Variants in RPSA observed in about 807,000 individuals in gnomAD.
RPSA encodes ribosomal protein SA.
For synonymous variants in RPSA, 103 were observed against 126.7 expected, an observed-to-expected ratio of 0.81 and a Z score of 1.25; for missense variants, 140 against 372.8, an observed-to-expected ratio of 0.38 and a Z score of 5.14.
intron 4 of RPSA, chr3:39,411,425 TA>T (rs1420479303): frequency 1.7e-6 from 1 of 580,536 alleles, no homozygotes; most frequent in Non-Finnish European, 3.0e-6. Context: ...ATTGCCCAGA[TA>T]TTTTTTTTAA....
chr3:39,407,665 C>T lies in RPSA; in HGVS notation c.12C>T (p.Ala4=). 1 of 1,596,334 alleles carries T rather than the reference C, an allele frequency of 6.3e-7. No homozygotes were observed. Among genetic ancestry groups the T allele is most frequent in the Non-Finnish European group, 8.5e-7 (1 of 1,178,006 alleles). Residue 4 remains alanine, a synonymous_variant, in exon 2 of 7, where the codon GCC becomes GCT. Transcript: ENST00000301821. Reference sequence around the variant, plus strand: ...GGGAAATTTTCACAATGTCCGGAGCCCTTGATGTCCTGCAAATGAAGGAGG... The same window carrying T: ...GGGAAATTTTCACAATGTCCGGAGCTCTTGATGTCCTGCAAATGAAGGAGG... The part of the protein sequence containing the change: MSG[A]LDVLQMKEED...
At chr3:39,410,374 T>C (rs533225274) in intron 3 of RPSA, 51 of 254,836 alleles carry the variant, frequency 2.0e-4, no homozygotes, top group Non-Finnish European at 3.7e-4. Flanking sequence ...CATGTGTGTT[T>C]TTGCAGAGGG....
intron 3 of RPSA, chr3:39,409,095 A>AG: frequency 7.9e-6 from 1 of 126,276 alleles, no homozygotes; most frequent in Admixed American, 8.6e-5. Flanking sequence ...AAAAAAAAAA[A>AG]AAAAGAAAAT....
chr3:39,407,376 A>G (rs1230614584), intron 1 of RPSA, among the ~76,000 whole-genome samples: 5 of 152,114 alleles, frequency 3.3e-5, no homozygotes, highest in African/African-American at 9.7e-5. Flanking sequence ...AGAAGTGTTG[A>G]ATTTCCATTC....
At position 39,408,625 on chromosome 3, in the gene RPSA, C is replaced by T; in HGVS notation, c.153C>T (p.Leu51=). ...RKSDGIYIIN[L]KRTWEKLLLA... ...ACTTAGGCATCTATATCATAAATCTCAAGAGGACCTGGGAGAAGCTTCTGC... is the reference window on the plus strand; with the variant it reads ...ACTTAGGCATCTATATCATAAATCTTAAGAGGACCTGGGAGAAGCTTCTGC... Residue 51 remains leucine, a synonymous_variant, in exon 3 of 7, where the codon CTC becomes CTT. Transcript: ENST00000301821. 6.2e-7 allele frequency: 1 copy of T among 1,607,464 alleles called. No homozygotes were observed. The highest frequency in any genetic ancestry group is 8.5e-7 in the Non-Finnish European group (1 of 1,173,906).
chr3:39,410,682 A>G (rs2041993037), intron 3 of RPSA, 72 bp from the exon 4 acceptor site: 24 of 1,597,248 alleles, frequency 1.5e-5, no homozygotes, highest in Non-Finnish European at 2.1e-5. Context: ...GCCAGTGCCC[A>G]GAAGTGCTTA....
chr3:39,409,527 G>A (rs1192500963), intron 3 of RPSA, among the ~76,000 whole-genome samples: 1 of 152,158 alleles, frequency 6.6e-6, no homozygotes, highest in African/African-American at 2.4e-5. Flanking sequence ...CATACATGCT[G>A]GGCATCTGGC....
chr3:39,408,421 A>C, intron 2 of RPSA, 185 bp from the exon 3 acceptor site: 2 of 765,996 alleles, frequency 2.6e-6, no homozygotes, highest in Non-Finnish European at 4.9e-6. Flanking sequence ...GGTGGAGGCC[A>C]GTCTTGGCTC....
chr3:39,411,639 C>G lies in RPSA; in HGVS notation c.499-10C>G. On this transcript the variant is annotated splice_polypyrimidine_tract_variant and intron_variant, in intron 4 of 6. Coordinates refer to ENST00000301821, the MANE Select transcript of RPSA (RefSeq NM_002295.6). ...AGTGTCACTTTTTAATAATCTGCCA[C>G]TCTTGGCAGGGAGCTCACTCAGTGG... The G allele has an allele frequency of 6.2e-7, 1 of 1,609,906 alleles. No individual in the cohort carries two copies. The highest frequency in any genetic ancestry group is 8.5e-7 in the Non-Finnish European group (1 of 1,180,004).
At chr3:39,411,549 G>A (rs2042005282) in intron 4 of RPSA, 100 bp from the exon 5 acceptor site, 5 of 1,270,662 alleles carry the variant, frequency 3.9e-6, no homozygotes, top group African/African-American at 2.9e-5. Context: ...ACTAAGAGAT[G>A]TCTGTACTTT....
At chr3:39,408,193 T>TA (rs1696339098) in intron 2 of RPSA, 1 of 371,480 alleles carries the variant, frequency 2.7e-6, no homozygotes, top group Non-Finnish European at 5.2e-6. Context: ...CTAAGGCACT[T>TA]ACTTATTTTA....
chr3:39,407,258 C>G (rs1256561849), intron 1 of RPSA, among the ~76,000 whole-genome samples: 2 of 152,174 alleles, frequency 1.3e-5, no homozygotes, highest in Non-Finnish European at 2.9e-5. Flanking sequence ...TGTCTGAAAA[C>G]AATTCATGCC....
intron 1 of RPSA, 168 bp downstream of exon 1, chr3:39,406,932 C>T (rs920965198): frequency 4.4e-6 from 2 of 453,650 alleles, no homozygotes; most frequent in East Asian, 1.4e-4. Context: ...CAGGCTCGGG[C>T]TGGCGGGTTC....
chr3:39,412,188 C>CTG, intron 6 of RPSA, 86 bp from the exon 7 acceptor site: 1 of 1,294,600 alleles, frequency 7.7e-7, no homozygotes, highest in African/African-American at 1.5e-5. Flanking sequence ...GCTACAGCAT[C>CTG]TGATAGACTG....
At chr3:39,409,490 T>G (rs990376599) in intron 3 of RPSA, among the ~76,000 whole-genome samples, 14 of 152,228 alleles carry the variant, frequency 9.2e-5, no homozygotes, top group Non-Finnish European at 1.8e-4. Flanking sequence ...CGTAAGCCAC[T>G]GCGCCCAGCC....
At chr3:39,410,431 CAGT>C (rs1162752713) in intron 3 of RPSA, 2 of 374,592 alleles carry the variant, frequency 5.3e-6, no homozygotes, top group East Asian at 6.4e-5. Flanking sequence ...GTTTGGTACA[CAGT>C]AGAAAAAAGG....
Position 39,412,444 on chromosome 3 carries a change from C to G in RPSA, c.*76C>G, listed in dbSNP as rs2042018352. On this transcript the variant is annotated 3_prime_UTR_variant, in exon 7 of 7. Coordinates refer to ENST00000301821, the MANE Select transcript of RPSA (RefSeq NM_002295.6). ...ATAAACATCAGTTTCTAAAAGTTGTCTTCATTTAGTTTGCTTTTTACTCCA... is the reference window on the plus strand; with the variant it reads ...ATAAACATCAGTTTCTAAAAGTTGTGTTCATTTAGTTTGCTTTTTACTCCA... 1.1e-6 allele frequency: 1 copy of G among 871,828 alleles called. No individual in the cohort carries two copies. The highest frequency in any genetic ancestry group is 1.7e-5 in the African/African-American group (1 of 59,554). 54.0% of individuals were successfully genotyped at this position (871,828 alleles called of 1,614,324 possible).
chr3:39,412,243 C>CT, intron 6 of RPSA, 31 bp from the exon 7 acceptor site: 2 of 1,542,012 alleles, frequency 1.3e-6, no homozygotes, highest in Non-Finnish European at 1.8e-6. Flanking sequence ...GAGGACAGAG[C>CT]TGATGGCTTT....
At position 39,407,667 on chromosome 3, in the gene RPSA, T is replaced by C; in HGVS notation, c.14T>C (p.Leu5Pro). Residue 5 changes from leucine (L) to proline (P), a missense_variant, in exon 2 of 7, where the codon CTT becomes CCT. Transcript: ENST00000301821. Reference sequence around the variant, plus strand: ...GAAATTTTCACAATGTCCGGAGCCCTTGATGTCCTGCAAATGAAGGAGGAG... The same window carrying C: ...GAAATTTTCACAATGTCCGGAGCCCCTGATGTCCTGCAAATGAAGGAGGAG... MSGA[L>P]DVLQMKEEDV... 2.5e-6 allele frequency: 4 copies of C among 1,596,322 alleles called. No individual in the cohort carries two copies. Among genetic ancestry groups the C allele is most frequent in the South Asian group, 1.1e-5 (1 of 91,036 alleles).
Sources: allele counts gnomAD v4.1 joint callset (sites outside exome capture counted in the v4.1 genomes callset), GRCh38; gene constraint gnomAD v4.1.1; transcripts MANE v1.5; gene names NCBI Gene and HGNC (gene_info 2026-07-23, HGNC 2026-07-21).